The following FRMPD2 variants were observed in gnomAD, a reference collection of about 807,000 sequenced individuals.
The protein encoded by FRMPD2 is FERM and PDZ domain-containing protein 2.
Under a neutral mutation model 140.1 loss-of-function variants are expected in FRMPD2, and 96 were observed. That is an observed-to-expected ratio of 0.69 (90% CI 0.58 to 0.81). The LOEUF (loss-of-function observed/expected upper bound fraction) is 0.81. FRMPD2 is among the 40% of genes least tolerant of loss of function. The pLI is 0.00. For synonymous variants in FRMPD2, 449 were observed against 547.6 expected (o/e 0.82, Z 2.52); for missense variants, 1,240 against 1,447.4 (o/e 0.86, Z 2.32).
chr10:48,239,714 G>A, intron 6 of FRMPD2, 22 bp from the exon 7 acceptor site: 1 of 1,588,176 alleles, frequency 6.3e-7, no homozygotes, highest in Non-Finnish European at 8.6e-7. Flanking sequence ...GCATGGTAGA[G>A]GGTATGGGCA....
chr10:48,184,993 A>G (rs1838644636), intron 18 of FRMPD2, 112 bp from the exon 19 acceptor site: 1 of 691,538 alleles, frequency 1.4e-6, no homozygotes, highest in Non-Finnish European at 2.5e-6. Context: ...ATTAGCTGAT[A>G]GTTACAGTCA....
rs988073636 is a variant in FRMPD2, at chr10:48,187,256, A to G, written c.2202T>C (p.Cys734=). The G allele has an allele frequency of 2.5e-6, 4 of 1,614,118 alleles. No homozygotes were observed. Among genetic ancestry groups the G allele is most frequent in the African/African-American group, 1.3e-5 (1 of 75,048 alleles). ...CTGREQLKSA[C]VIQKPMTWDS... ...CCCAGGTCATTGGCTTCTGGATCAC[A>G]CAGGCACTCTTCAGCTGCTCCCGGC... The change falls in exon 17 of 29, where the codon TGT becomes TGC. Residue 734 remains cysteine (C), a synonymous_variant. Coordinates refer to ENST00000374201, the MANE Select transcript of FRMPD2 (RefSeq NM_001018071.4).
At chr10:48,261,333 C>T (rs1840585777) in intron 1 of FRMPD2, among the ~76,000 whole-genome samples, 1 of 151,528 alleles carries the variant, frequency 6.6e-6, no homozygotes, top group South Asian at 2.1e-4. Context: ...ACACATGTAA[C>T]CCTAAACTTA....
chr10:48,238,853 A>C (rs1209439095), intron 7 of FRMPD2, among the ~76,000 whole-genome samples: 1 of 152,234 alleles, frequency 6.6e-6, no homozygotes, highest in East Asian at 1.9e-4. Flanking sequence ...TCCTGCCATC[A>C]AGAGATGGAG....
intron 17 of FRMPD2, among the ~76,000 whole-genome samples, chr10:48,186,185 G>A (rs1303388620): frequency 6.6e-6 from 1 of 152,232 alleles, no homozygotes; most frequent in Admixed American, 6.5e-5. Flanking sequence ...TGTTCCTGGA[G>A]AGCTGGAGTC....
At chr10:48,201,109 A>G in intron 15 of FRMPD2, 119 bp downstream of exon 15, 1 of 637,446 alleles carries the variant, frequency 1.6e-6, no homozygotes, top group East Asian at 3.2e-5. Flanking sequence ...TTCTGTCATT[A>G]TTAGAGAGAT....
At position 48,249,050 on chromosome 10, in the gene FRMPD2, T is replaced by C; in HGVS notation, c.280A>G (p.Ser94Gly). 1 of 1,613,438 alleles carries C rather than the reference T, an allele frequency of 6.2e-7. No individual in the cohort carries two copies. The highest frequency in any genetic ancestry group is 8.5e-7 in the Non-Finnish European group (1 of 1,179,832). Residue 94 changes from serine (S) to glycine (G), a missense_variant, in exon 3 of 29, where the codon AGT becomes GGT. Physicochemically the swap from Ser to Gly is moderately conservative, Grantham distance 56. Transcript: ENST00000374201. ...FKAPELLQGQ[S>G]EDEQPDASQM... is the part of the protein sequence containing the mutation. ...GATGCATCAGGCTGCTCATCCTCAC[T>C]CTGTCCCTGTAGCAGTTCAGGGGCC...
Position 48,192,797 on chromosome 10 carries a change from G to A in FRMPD2, c.2052C>T (p.Asn684=), listed in dbSNP as rs111320090. Residue 684 remains asparagine, a synonymous_variant, in exon 16 of 29, where the codon AAC becomes AAT. Transcript: ENST00000374201. ...CCTGAAGCCTGGATACAAACAACTC[G>A]TTTTCTGAGCATGACAATCTCTGAA... ...IWIQRLSCSE[N]ELFVSRLQGA... 378 of 1,614,080 alleles carry A rather than the reference G, an allele frequency of 2.3e-4. No homozygotes were observed. The highest frequency in any genetic ancestry group is 1.1e-3 in the African/African-American group (83 of 75,014).
At chr10:48,260,874 C>T (rs187082208) in intron 1 of FRMPD2, among the ~76,000 whole-genome samples, 1 of 90,002 alleles carries the variant, frequency 1.1e-5, no homozygotes, top group Admixed American at 1.4e-4. Context: ...GATTAATATG[C>T]TAAGTGTTCA....
Position 48,223,158 on chromosome 10 carries a change from C to T in FRMPD2, c.1281G>A (p.Arg427=). ...TSMNTFTLFL[R]IKFFVSHYGL... is the part of the protein sequence containing the mutation. Reference sequence around the variant, plus strand: ...CATAGTGGCTGACAAAGAACTTTATCCTCAGGAAGAGTGTGAAGGTATTCA... The same window carrying T: ...CATAGTGGCTGACAAAGAACTTTATTCTCAGGAAGAGTGTGAAGGTATTCA... The change falls in exon 11 of 29, where the codon AGG becomes AGA. Residue 427 remains arginine (R), a synonymous_variant. Transcript: ENST00000374201. 1.9e-6 allele frequency: 3 copies of T among 1,614,018 alleles called. No homozygotes were observed. Among genetic ancestry groups the T allele is most frequent in the Middle Eastern group, 1.7e-4 (1 of 6,058 alleles).
intron 9 of FRMPD2, among the ~76,000 whole-genome samples, chr10:48,235,501 G>T (rs1381644385): frequency 1.3e-5 from 2 of 152,198 alleles, no homozygotes; most frequent in African/African-American, 4.8e-5. Context: ...GGATTCAATG[G>T]GATTTTGCTG....
rs147301625 is a variant in FRMPD2 at position 48,242,279 on chromosome 10, G to T, written c.449C>A (p.Thr150Lys). Residue 150 changes from threonine to lysine, a missense_variant, in exon 5 of 29, where the codon ACG becomes AAG. Transcript: ENST00000374201. The stretch of plus-strand genomic sequence containing the variant: ...ACAAGCTTCCAGAACCGACTGCAAC[G>T]TGCACCGCCTGTGAGGCTGGTCTTC... ...MCEDQPHRRC[T>K]LQSVLEACRV... The T allele has an allele frequency of 6.2e-7, 1 of 1,614,130 alleles. No homozygotes were observed. The highest frequency in any genetic ancestry group is 1.7e-5 in the Admixed American group (1 of 60,018).
At chr10:48,264,176 A>G (rs934255781) in intron 1 of FRMPD2, among the ~76,000 whole-genome samples, 2 of 152,050 alleles carry the variant, frequency 1.3e-5, no homozygotes, top group Non-Finnish European at 2.9e-5. Context: ...AAAAAAATCT[A>G]CGGCCAACAC....
At chr10:48,274,237 A>G (rs1406385197) in intron 1 of FRMPD2, among the ~76,000 whole-genome samples, 1 of 152,216 alleles carries the variant, frequency 6.6e-6, no homozygotes, top group East Asian at 1.9e-4. Flanking sequence ...GGAAAGTTAA[A>G]AGAGTCATTT....
At chr10:48,222,655 A>G (rs527692651) in intron 11 of FRMPD2, among the ~76,000 whole-genome samples, 29 of 152,300 alleles carry the variant, frequency 1.9e-4, no homozygotes, top group Non-Finnish European at 2.8e-4. Flanking sequence ...GGGCCACTCT[A>G]TGCCAGTCAC....
At chr10:48,210,942 T>G (rs1451727848) in intron 13 of FRMPD2, among the ~76,000 whole-genome samples, 2 of 152,246 alleles carry the variant, frequency 1.3e-5, no homozygotes, top group Non-Finnish European at 2.9e-5. Context: ...TGGCCCAGCT[T>G]GTATCCCATC....
chr10:48,200,102 C>A (rs575162650), intron 15 of FRMPD2, among the ~76,000 whole-genome samples: 26 of 150,864 alleles, frequency 1.7e-4, no homozygotes, highest in African/African-American at 5.4e-4. Flanking sequence ...ACCTTTTGCC[C>A]AAAATTGCTT....
In FRMPD2 at chr10:48,156,729, A is replaced by G. The variant is rs1837786177; in HGVS notation, c.*593T>C. The G allele has an allele frequency of 1.2e-5, 2 of 163,958 alleles. No individual in the cohort carries two copies. The highest frequency in any genetic ancestry group is 2.6e-5 in the Non-Finnish European group (2 of 76,050). 10.2% of individuals were successfully genotyped at this position (163,958 alleles called of 1,614,324 possible). A position where few individuals can be genotyped will look rare whatever the true frequency, so the allele number is the denominator to read the frequency against. The stretch of plus-strand genomic sequence containing the variant: ...AGCATTGCAAGCAGGGCAATGACCC[A>G]GTTCTAAGACAGACTCGTCACATGG... On this transcript the variant is annotated 3_prime_UTR_variant, in exon 29 of 29. Transcript: ENST00000374201.
intron 4 of FRMPD2, 29 bp downstream of exon 4, chr10:48,244,755 G>A: frequency 6.4e-7 from 1 of 1,572,882 alleles, no homozygotes; most frequent in Non-Finnish European, 8.8e-7. Context: ...ACACAGCCCG[G>A]CAAGACTTGG....
Sources: gnomAD v4.1 joint callset for allele counts (sites outside exome capture counted in the v4.1 genomes callset) on GRCh38, gnomAD v4.1.1 for gene constraint, MANE v1.5 for transcripts, NCBI Gene and HGNC (gene_info 2026-07-23, HGNC 2026-07-21) for gene names.